PTPRD: variants seen among roughly 807,000 people sequenced by gnomAD.
PTPRD encodes the protein receptor-type tyrosine-protein phosphatase delta.
A neutral mutation model predicts 214.5 loss-of-function variants in PTPRD; 34 were observed. That is an observed-to-expected ratio of 0.16 (90% CI 0.12 to 0.21). PTPRD has a LOEUF of 0.21. PTPRD is among the 10% of genes least tolerant of loss of function. The probability of loss-of-function intolerance (pLI) is 1.00; values close to 1 mark genes in which losing one functional copy is unlikely to be tolerated. For missense variants in PTPRD, 2,545 were observed against 2,398.7 expected (o/e 1.06, Z -1.27); for synonymous variants, 1,128 against 845.7 (o/e 1.33, Z -5.79).
intron 5 of PTPRD, among the ~76,000 whole-genome samples, chr9:9,823,183 G>T (rs1318020883): frequency 6.6e-6 from 1 of 152,186 alleles, no homozygotes; most frequent in African/African-American, 2.4e-5. Context: ...AAGAAAAGAG[G>T]TAATCAGTTC....
chr9:10,208,462 G>C (rs541221754), intron 3 of PTPRD, among the ~76,000 whole-genome samples: 3,731 of 152,206 alleles, frequency 0.025, 52 homozygotes, highest in African/African-American at 0.03. Context: ...TGCAGTGAAC[G>C]GAGATCGCGC....
chr9:9,712,227 G>A (rs2097750716), intron 7 of PTPRD, among the ~76,000 whole-genome samples: 1 of 151,922 alleles, frequency 6.6e-6, no homozygotes, highest in Non-Finnish European at 1.5e-5. Flanking sequence ...TAGCCATCTG[G>A]ACTGAGAAAG....
At chr9:10,519,971 C>T (rs2051616869) in intron 2 of PTPRD, among the ~76,000 whole-genome samples, 1 of 152,028 alleles carries the variant, frequency 6.6e-6, no homozygotes, top group Admixed American at 6.6e-5. Context: ...CAAAAACCAC[C>T]TATGCCCCCA....
At chr9:8,745,114 C>T (rs981619001) in intron 11 of PTPRD, among the ~76,000 whole-genome samples, 5 of 152,110 alleles carry the variant, frequency 3.3e-5, no homozygotes, top group African/African-American at 9.7e-5. Flanking sequence ...TCAATGAAAC[C>T]ACAGACTGAT....
At chr9:10,503,612 C>T (rs1489426528) in intron 2 of PTPRD, among the ~76,000 whole-genome samples, 1 of 151,938 alleles carries the variant, frequency 6.6e-6, no homozygotes. Context: ...TTGGCAGGTA[C>T]TATTGGATAT....
intron 12 of PTPRD, among the ~76,000 whole-genome samples, chr9:8,646,908 G>GTATT (rs1255932953): frequency 2.0e-5 from 3 of 151,808 alleles, no homozygotes; most frequent in Non-Finnish European, 4.4e-5. Flanking sequence ...ACACTTTTGA[G>GTATT]TATTTAGGAC....
chr9:9,910,964 C>G (rs889728990), intron 5 of PTPRD, among the ~76,000 whole-genome samples: 1 of 140,994 alleles, frequency 7.1e-6, no homozygotes, highest in Non-Finnish European at 1.5e-5. Flanking sequence ...TTAGAAACTA[C>G]TTGCTTTGGT....
chr9:10,230,615 A>G (rs1463072431), intron 3 of PTPRD, among the ~76,000 whole-genome samples: 1 of 151,970 alleles, frequency 6.6e-6, no homozygotes, highest in Non-Finnish European at 1.5e-5. Context: ...CACTAAGTGA[A>G]GCCACTTAGT....
chr9:9,604,297 C>G (rs570836265), intron 7 of PTPRD, among the ~76,000 whole-genome samples: 1 of 151,976 alleles, frequency 6.6e-6, no homozygotes, highest in African/African-American at 2.4e-5. Context: ...ATATGACAGG[C>G]ACAACCTTGA....
intron 3 of PTPRD, among the ~76,000 whole-genome samples, chr9:10,157,292 C>T (rs573540634): frequency 3.5e-4 from 53 of 152,240 alleles, no homozygotes; most frequent in African/African-American, 1.0e-3. Flanking sequence ...CCATATTTAG[C>T]GCTTCCTTCA....
intron 8 of PTPRD, among the ~76,000 whole-genome samples, chr9:9,428,649 G>C (rs968982382): frequency 1.3e-5 from 2 of 152,104 alleles, no homozygotes; most frequent in African/African-American, 4.8e-5. Flanking sequence ...CCACATAGTT[G>C]GAAGTAAAGC....
chr9:8,583,511 C>A (rs1010834593), intron 14 of PTPRD, among the ~76,000 whole-genome samples: 8 of 151,996 alleles, frequency 5.3e-5, no homozygotes, highest in Non-Finnish European at 1.2e-4. Context: ...AAAAAAGAAA[C>A]ATAATCTTGA....
At chr9:9,369,795 T>C (rs1274044687) in intron 9 of PTPRD, among the ~76,000 whole-genome samples, 1 of 152,184 alleles carries the variant, frequency 6.6e-6, no homozygotes, top group African/African-American at 2.4e-5. Flanking sequence ...GTATAAGGTG[T>C]AAGGAAGGGA....
chr9:9,479,001 T>C (rs1022131513), intron 8 of PTPRD, among the ~76,000 whole-genome samples: 9 of 152,174 alleles, frequency 5.9e-5, no homozygotes, highest in Non-Finnish European at 1.2e-4. Context: ...CACAGGCTAA[T>C]TAGATGTGGC....
chr9:10,221,292 C>T lies in PTPRD; in HGVS notation c.-545+119671G>A, dbSNP rs567277373. Among the ~76,000 whole-genome samples the T allele has an allele frequency of 9.2e-5, 14 of 152,084 alleles. No individual in the cohort carries two copies. The East Asian group carries it at 1.4e-3, about 15-fold the overall frequency. On this transcript the variant is annotated intron_variant, in intron 3 of 45. Coordinates refer to ENST00000381196, the MANE Select transcript of PTPRD (RefSeq NM_002839.4). The stretch of plus-strand genomic sequence containing the variant: ...ACAAACATATTCATGCTCACGTGCG[C>T]GTGCACACACACATATACGCAAACA...
intron 3 of PTPRD, among the ~76,000 whole-genome samples, chr9:10,209,309 A>G (rs555400748): frequency 6.6e-5 from 10 of 152,344 alleles, no homozygotes; most frequent in Non-Finnish European, 1.3e-4. Flanking sequence ...ATATAACAGT[A>G]AATTTTTGAA....
chr9:8,458,652 G>A (rs1333063427), intron 33 of PTPRD, among the ~76,000 whole-genome samples: 1 of 152,058 alleles, frequency 6.6e-6, no homozygotes, highest in East Asian at 1.9e-4. Context: ...CTCCTGCTTG[G>A]ACTCAAACAG....
intron 5 of PTPRD, among the ~76,000 whole-genome samples, chr9:9,888,388 C>G (rs1389685557): frequency 2.0e-5 from 3 of 152,092 alleles, no homozygotes; most frequent in Non-Finnish European, 4.4e-5. Flanking sequence ...GATGAGTATA[C>G]AGTTTGGATA....
chr9:8,879,844 ACTG>A (rs2098426818), intron 11 of PTPRD, among the ~76,000 whole-genome samples: 1 of 152,122 alleles, frequency 6.6e-6, no homozygotes, highest in South Asian at 2.1e-4. Context: ...ATTTCCTGAG[ACTG>A]CTCTAAGCAC....
Sources: gnomAD v4.1 joint callset for allele counts (sites outside exome capture counted in the v4.1 genomes callset) on GRCh38, gnomAD v4.1.1 for gene constraint, MANE v1.5 for transcripts, NCBI Gene and HGNC (gene_info 2026-07-23, HGNC 2026-07-21) for gene names.